Variants in PDE11A observed in about 807,000 individuals in gnomAD.
PDE11A encodes dual 3',5'-cyclic-AMP and -GMP phosphodiesterase 11A.
A neutral mutation model predicts 100.5 loss-of-function variants in PDE11A; 100 were observed. The observed-to-expected ratio is 1.00, with a 90% CI of 0.85 to 1.18. The LOEUF (loss-of-function observed/expected upper bound fraction) is 1.18, where lower values mean the gene tolerates loss of function less well. Ranked by LOEUF, PDE11A falls within the 50% of genes most tolerant of loss-of-function variation. The pLI, the probability that PDE11A is intolerant of heterozygous loss-of-function variation, is 0.00. For missense variants in PDE11A, 1,141 were observed against 1,152.6 expected (o/e 0.99, Z 0.15); for synonymous variants, 381 against 420.8 (o/e 0.91, Z 1.16).
At chr2:178,024,312 C>A (rs181829372) in intron 1 of PDE11A, among the ~76,000 whole-genome samples, 1 of 151,806 alleles carries the variant, frequency 6.6e-6, no homozygotes, top group Non-Finnish European at 1.5e-5. Context: ...CTCGGGAGGC[C>A]GAGGCAGGAG....
intron 12 of PDE11A, among the ~76,000 whole-genome samples, chr2:177,714,691 A>G (rs999041158): frequency 6.6e-6 from 1 of 152,246 alleles, no homozygotes; most frequent in Non-Finnish European, 1.5e-5. Context: ...TTCACCGCTG[A>G]GCCAACCAGT....
intron 10 of PDE11A, among the ~76,000 whole-genome samples, chr2:177,728,528 T>A (rs1281627765): frequency 1.3e-5 from 2 of 152,118 alleles, no homozygotes; most frequent in Non-Finnish European, 2.9e-5. Flanking sequence ...GCAAGAAACA[T>A]CTGGGCAGCC....
At chr2:178,069,276 G>A (rs1251955735) in intron 1 of PDE11A, among the ~76,000 whole-genome samples, 2 of 152,082 alleles carry the variant, frequency 1.3e-5, no homozygotes, top group Non-Finnish European at 2.9e-5. Context: ...GAGGCTGTGA[G>A]AGATTAAGAA....
intron 1 of PDE11A, among the ~76,000 whole-genome samples, chr2:178,068,010 C>A (rs966344571): frequency 2.6e-5 from 4 of 152,170 alleles, no homozygotes; most frequent in Admixed American, 6.5e-5. Context: ...TCAACACTGA[C>A]AAAAATTCAC....
intron 5 of PDE11A, among the ~76,000 whole-genome samples, chr2:177,857,191 T>C (rs2083851336): frequency 6.6e-6 from 1 of 151,900 alleles, no homozygotes; most frequent in Admixed American, 6.6e-5. Flanking sequence ...AAGAATTCTA[T>C]ATCCACTGAA....
intron 13 of PDE11A, among the ~76,000 whole-genome samples, chr2:177,705,230 G>GAA (rs3056940): frequency 0.61 from 91,601 of 150,428 alleles, 30,290 homozygotes; most frequent in East Asian, 0.82. Flanking sequence ...CATAAAATAT[G>GAA]AAAAAAAAAC....
At chr2:177,880,977 T>A (rs539227011) in intron 4 of PDE11A, among the ~76,000 whole-genome samples, 41 of 152,260 alleles carry the variant, frequency 2.7e-4, no homozygotes, top group Non-Finnish European at 5.6e-4. Flanking sequence ...TGGCAAAACA[T>A]TATTTTTGGG....
chr2:177,701,375 G>A (rs902571841), intron 13 of PDE11A, 164 bp from the exon 14 acceptor site: 23 of 646,654 alleles, frequency 3.6e-5, no homozygotes, highest in African/African-American at 3.1e-4. Context: ...AATCGTTCAG[G>A]AACTTTCTAT....
chr2:177,904,717 C>T (rs1274649599), intron 3 of PDE11A, among the ~76,000 whole-genome samples: 1 of 151,956 alleles, frequency 6.6e-6, no homozygotes, highest in Non-Finnish European at 1.5e-5. Flanking sequence ...CCACGCCCGG[C>T]TAATTTTTGT....
chr2:177,848,784 C>A (rs1161520325), intron 5 of PDE11A, among the ~76,000 whole-genome samples: 1 of 151,882 alleles, frequency 6.6e-6, no homozygotes, highest in Non-Finnish European at 1.5e-5. Context: ...CAAAGAAAAA[C>A]AAGACAAAAT....
chr2:178,034,645 T>A (rs1215132111), intron 1 of PDE11A, among the ~76,000 whole-genome samples: 1 of 152,154 alleles, frequency 6.6e-6, no homozygotes, highest in Non-Finnish European at 1.5e-5. Context: ...CTTCAGCAAA[T>A]GTAAAAGAAC....
intron 19 of PDE11A, among the ~76,000 whole-genome samples, chr2:177,660,087 CTTTCTT>C (rs1389745769): frequency 2.7e-4 from 11 of 41,114 alleles, no homozygotes; most frequent in African/African-American, 3.9e-4. Flanking sequence ...TTCTTTCTTT[CTTTCTT>C]TCTTTCTCTC....
intron 19 of PDE11A, among the ~76,000 whole-genome samples, chr2:177,660,671 G>A (rs550470501): frequency 8.5e-5 from 13 of 152,188 alleles, no homozygotes; most frequent in Non-Finnish European, 1.5e-4. Flanking sequence ...AAATATACCG[G>A]TGCAGGTGCC....
At chr2:177,692,270 A>C (rs1422847324) in intron 15 of PDE11A, among the ~76,000 whole-genome samples, 1 of 152,206 alleles carries the variant, frequency 6.6e-6, no homozygotes, top group African/African-American at 2.4e-5. Flanking sequence ...TAAATAGTAC[A>C]GGGCATTTGT....
chr2:177,816,345 G>A (rs1558952441), intron 9 of PDE11A, among the ~76,000 whole-genome samples: 3 of 152,134 alleles, frequency 2.0e-5, no homozygotes, highest in East Asian at 3.9e-4. Context: ...GTGCAGACAT[G>A]GGAACAGGTC....
chr2:178,059,172 G>A (rs1250800827), intron 1 of PDE11A, among the ~76,000 whole-genome samples: 1 of 152,146 alleles, frequency 6.6e-6, no homozygotes, highest in Non-Finnish European at 1.5e-5. Flanking sequence ...CTAGCTCCAT[G>A]AGCCCTGCCT....
chr2:177,832,440 T>C lies in PDE11A; in HGVS notation c.1500+7811A>G, dbSNP rs140146926. On this transcript the variant is annotated intron_variant, in intron 6 of 19. Coordinates refer to ENST00000286063, the MANE Select transcript of PDE11A (RefSeq NM_016953.4). ...GCTGGATGCTTCCTGCCCTCGAACA[T>C]CGGTCTCCAAGTTCCTCAGCTTTGG... 5.2e-3 allele frequency among the ~76,000 whole-genome samples: 799 copies of C among 152,280 alleles called. 8 individuals are homozygous for C. Among genetic ancestry groups the C allele is most frequent in the African/African-American group, 0.018 (745 of 41,570 alleles).
intron 18 of PDE11A, among the ~76,000 whole-genome samples, chr2:177,667,313 G>T (rs1413947624): frequency 6.6e-6 from 1 of 152,122 alleles, no homozygotes. Context: ...TCATATTTAA[G>T]ACACCATGGC....
chr2:177,727,925 G>A lies in PDE11A; in HGVS notation c.1935+101C>T, dbSNP rs2081624017. The A allele has an allele frequency of 3.7e-5, 42 of 1,123,214 alleles. No individual in the cohort carries two copies. The South Asian group carries it at 5.1e-4, about 14-fold the overall frequency. The allele number at this position is 1,123,214 out of a possible 1,614,324, so 69.6% of individuals were successfully genotyped here. On this transcript the variant is annotated intron_variant, in intron 11 of 19. Transcript: ENST00000286063. ...TAATCCCATGAGGTGTGCAGGGCAG[G>A]GATTATCATCCCCATTTTGTATTTG... is the stretch of plus-strand genomic sequence containing the variant.
Sources: gnomAD v4.1 joint callset for allele counts (sites outside exome capture counted in the v4.1 genomes callset) on GRCh38, gnomAD v4.1.1 for gene constraint, MANE v1.5 for transcripts, NCBI Gene and HGNC (gene_info 2026-07-23, HGNC 2026-07-21) for gene names.